HERC4: variants seen among roughly 807,000 people sequenced by gnomAD.
HERC4 encodes probable E3 ubiquitin-protein ligase HERC4.
Under a neutral mutation model 124.3 loss-of-function variants are expected in HERC4, and 28 were observed. The ratio of observed to expected loss-of-function variants is 0.23; its 90% CI spans 0.17 to 0.31. The LOEUF is 0.31. Among genes scored for constraint, HERC4 ranks in the 10% least tolerant of loss-of-function variants. The probability of loss-of-function intolerance (pLI) is 1.00; values close to 1 mark genes in which losing one functional copy is unlikely to be tolerated. For missense variants in HERC4, 713 were observed against 1,229.3 expected (o/e 0.58, Z 6.28); for synonymous variants, 407 against 421.5 (o/e 0.97, Z 0.42).
chr10:67,985,590 C>T (rs1422755488), intron 15 of HERC4, among the ~76,000 whole-genome samples: 1 of 152,128 alleles, frequency 6.6e-6, no homozygotes, highest in Non-Finnish European at 1.5e-5. Flanking sequence ...TAGATCAGCA[C>T]AAATATGTAG....
At chr10:67,987,641 A>C (rs572876404) in intron 15 of HERC4, among the ~76,000 whole-genome samples, 21 of 152,316 alleles carry the variant, frequency 1.4e-4, no homozygotes, top group African/African-American at 5.0e-4. Context: ...TAGGAAATAC[A>C]TGGCTATGAT....
At chr10:68,047,766 T>G (rs2133549577) in intron 3 of HERC4, among the ~76,000 whole-genome samples, 1 of 152,312 alleles carries the variant, frequency 6.6e-6, no homozygotes, top group South Asian at 2.1e-4. Flanking sequence ...ACAGGAACTC[T>G]CCTTCACTGC....
At chr10:67,958,095 C>T (rs1483784931) in intron 16 of HERC4, among the ~76,000 whole-genome samples, 1 of 152,212 alleles carries the variant, frequency 6.6e-6, no homozygotes, top group Non-Finnish European at 1.5e-5. Context: ...GCGTGAGCCA[C>T]TGTGCCCAGC....
chr10:67,986,938 G>A (rs1458692233), intron 15 of HERC4, among the ~76,000 whole-genome samples: 2 of 152,072 alleles, frequency 1.3e-5, no homozygotes, highest in African/African-American at 2.4e-5. Flanking sequence ...TACTATATCT[G>A]CTGATATAAA....
chr10:68,048,021 C>A (rs1214661475), intron 3 of HERC4, among the ~76,000 whole-genome samples: 3 of 151,882 alleles, frequency 2.0e-5, no homozygotes, highest in African/African-American at 7.3e-5. Flanking sequence ...CAGGCTCAAG[C>A]AATCCTCCCA....
chr10:67,925,195 C>T lies in HERC4; in HGVS notation c.2839-8G>A, dbSNP rs201293007. On this transcript the variant is annotated splice_region_variant and splice_polypyrimidine_tract_variant and intron_variant, in intron 23 of 24. Transcript: ENST00000373700. ...CCCTTTGTATTCTGTATTCTAAAAA[C>T]AACATAATCTTTTATTAGTATTAAG... 2.7e-6 allele frequency: 4 copies of T among 1,476,922 alleles called. No homozygotes were observed. Among genetic ancestry groups the T allele is most frequent in the South Asian group, 2.3e-5 (2 of 87,474 alleles). 91.5% of individuals were successfully genotyped at this position (1,476,922 alleles called of 1,614,324 possible).
chr10:68,029,742 CTT>C (rs1321927093), intron 7 of HERC4, among the ~76,000 whole-genome samples: 2 of 146,744 alleles, frequency 1.4e-5, no homozygotes, highest in East Asian at 2.0e-4. Flanking sequence ...ATATATAACA[CTT>C]TGTTTTTTTT....
chr10:68,027,191 T>C (rs1284547107), intron 7 of HERC4, among the ~76,000 whole-genome samples: 4 of 152,242 alleles, frequency 2.6e-5, no homozygotes, highest in Non-Finnish European at 5.9e-5. Context: ...TTAATAGCGT[T>C]ACTACATACT....
intron 3 of HERC4, chr10:68,069,321 A>C: frequency 1.0e-6 from 1 of 980,212 alleles, no homozygotes; most frequent in Non-Finnish European, 1.2e-6. Context: ...AAGTATTTTA[A>C]AGTTCTTATG....
rs373401588 is a variant in HERC4, at chr10:67,927,430, A to ATTTTT, written c.2839-2248_2839-2244dup. On this transcript the variant is annotated intron_variant, in intron 23 of 24. Coordinates refer to ENST00000373700, the MANE Select transcript of HERC4 (RefSeq NM_015601.4). Reference sequence around the variant, plus strand: ...TATATATATATATATATATATATATATTTTTTTTTTTTTTTAGATAGAGTC... The same window carrying ATTTTT: ...TATATATATATATATATATATATATATTTTTTTTTTTTTTTTTTTTAGATAGAGTC... Among the ~76,000 whole-genome samples the ATTTTT allele has an allele frequency of 9.2e-4, 35 of 37,902 alleles. 1 individual carries two copies. Among genetic ancestry groups the ATTTTT allele is most frequent in the South Asian group, 2.1e-3 (2 of 962 alleles). 24.9% of individuals were successfully genotyped at this position (37,902 alleles called of 152,430 possible). A position where few individuals can be genotyped will look rare whatever the true frequency, so the allele number is the denominator to read the frequency against.
At chr10:68,060,218 G>C (rs1212452550) in intron 3 of HERC4, among the ~76,000 whole-genome samples, 1 of 151,748 alleles carries the variant, frequency 6.6e-6, no homozygotes, top group Non-Finnish European at 1.5e-5. Context: ...TGTAAATAAT[G>C]TTCTTTTTGT....
chr10:68,069,943 G>A (rs982809478), intron 3 of HERC4: 12 of 454,476 alleles, frequency 2.6e-5, no homozygotes, highest in Non-Finnish European at 3.2e-5. Context: ...TCGGGAGGCC[G>A]AGGCAGGAGA....
intron 3 of HERC4, among the ~76,000 whole-genome samples, chr10:68,052,506 A>G (rs921933208): frequency 3.3e-5 from 5 of 152,180 alleles, no homozygotes; most frequent in African/African-American, 1.2e-4. Context: ...TACGAACTAC[A>G]TCAAGTACAT....
At chr10:68,014,319 G>A (rs1165480051) in intron 8 of HERC4, 133 bp from the exon 9 acceptor site, 4 of 758,384 alleles carry the variant, frequency 5.3e-6, no homozygotes, top group Non-Finnish European at 8.2e-6. Flanking sequence ...TAGTTCCAAA[G>A]CTTCTGTACA....
intron 3 of HERC4, among the ~76,000 whole-genome samples, chr10:68,057,500 T>G (rs2040608090): frequency 6.6e-6 from 1 of 151,446 alleles, no homozygotes; most frequent in Non-Finnish European, 1.5e-5. Flanking sequence ...GGCAGGCGCC[T>G]ATAATCCCAG....
chr10:67,941,488 T>C (rs1355480686), intron 19 of HERC4, among the ~76,000 whole-genome samples: 1 of 151,846 alleles, frequency 6.6e-6, no homozygotes, highest in African/African-American at 2.4e-5. Flanking sequence ...AGAAAAAACA[T>C]AGAAAAGAAA....
At chr10:67,998,655 C>T (rs1443713559) in intron 9 of HERC4, among the ~76,000 whole-genome samples, 1 of 151,950 alleles carries the variant, frequency 6.6e-6, no homozygotes, top group African/African-American at 2.4e-5. Flanking sequence ...CTCACTTATG[C>T]CAGTGGTTCT....
Position 67,974,085 on chromosome 10 carries a change from C to T in HERC4, c.1807-7283G>A, listed in dbSNP as rs1204955030. On this transcript the variant is annotated intron_variant, in intron 15 of 24. Coordinates refer to ENST00000373700, the MANE Select transcript of HERC4 (RefSeq NM_015601.4). ...AAAAAAATTACTGTACACACACACACACACACACACACACACACACACACA... is the reference window on the plus strand; with the variant it reads ...AAAAAAATTACTGTACACACACACATACACACACACACACACACACACACA... 6.9e-3 allele frequency among the ~76,000 whole-genome samples: 880 copies of T among 127,722 alleles called. 18 individuals are homozygous for T. The highest frequency in any genetic ancestry group is 0.015 in the African/African-American group (539 of 34,896). The allele number at this position is 127,722 out of a possible 152,430, so 83.8% of individuals were successfully genotyped here.
intron 5 of HERC4, among the ~76,000 whole-genome samples, chr10:68,036,260 G>C (rs2039461370): frequency 6.6e-6 from 1 of 151,384 alleles, no homozygotes; most frequent in Non-Finnish European, 1.5e-5. Context: ...GGAGCTTGCA[G>C]TGAGCCGAGA....
Sources: gnomAD v4.1 joint callset for allele counts (sites outside exome capture counted in the v4.1 genomes callset) on GRCh38, gnomAD v4.1.1 for gene constraint, MANE v1.5 for transcripts, NCBI Gene and HGNC (gene_info 2026-07-23, HGNC 2026-07-21) for gene names.